Variants in TSC2 observed in about 807,000 individuals in gnomAD.
TSC2 encodes the protein TSC complex subunit 2, also known as tuberin.
TSC2 carries 29 observed loss-of-function variants against 202.2 expected under a neutral mutation model. The ratio of observed to expected loss-of-function variants is 0.14; its 90% CI spans 0.11 to 0.20. TSC2 has a LOEUF of 0.20. Ranked by LOEUF, TSC2 falls within the 10% of genes least tolerant of loss-of-function variation. The pLI, the probability that TSC2 is intolerant of heterozygous loss-of-function variation, is 1.00. For missense variants in TSC2, 2,429 were observed against 2,420.0 expected (o/e 1.00, Z -0.08); for synonymous variants, 1,349 against 1,044.0 (o/e 1.29, Z -5.63).
At position 2,079,101 on chromosome 16, in the gene TSC2, C is replaced by T. The variant is rs144997264; in HGVS notation, c.3036C>T (p.Asp1012=). ...SADENSVAQA[D]DSLKNLHLEL... ...ATGAGAACTCCGTGGCCCAGGCTGA[C>T]GATAGCCTGAAAAACCTCCACCTGG... The change falls in exon 27 of 42, where the codon GAC becomes GAT. Residue 1012 remains aspartate (D), a synonymous_variant. Transcript: ENST00000219476. This position sits in a 1 kb window ranked among gnomAD's most constrained non-coding sequence, Gnocchi z 4.6. 5.6e-5 allele frequency: 90 copies of T among 1,613,020 alleles called. No individual in the cohort carries two copies. In the Middle Eastern group the frequency reaches 6.6e-4, roughly 12 times the overall value.
Position 2,065,565 on chromosome 16 carries a change from A to G in TSC2, c.1646A>G (p.Asp549Gly), listed in dbSNP as rs1170792905. The G allele has an allele frequency of 6.2e-7, 1 of 1,613,696 alleles. No homozygotes were observed. Among genetic ancestry groups the G allele is most frequent in the Non-Finnish European group, 8.5e-7 (1 of 1,179,974 alleles). ...LSPPPELEER[D>G]VAAYSASLED... ...CCACCCCCGGAGCTGGAAGAAAGGG[A>G]TGTGGCCGCATACTCGGCCTCCTTG... Residue 549 changes from aspartate to glycine, a missense_variant, in exon 16 of 42, where the codon GAT (aspartate) becomes GGT (glycine). By Grantham distance (94) the Asp-to-Gly change is moderately conservative. Transcript: ENST00000219476.
chr16:2,071,102 A>T (rs976483557), intron 17 of TSC2, among the ~76,000 whole-genome samples: 1 of 152,210 alleles, frequency 6.6e-6, no homozygotes, highest in Non-Finnish European at 1.5e-5. Context: ...CTCCTAGAGC[A>T]GGTGCTCTCT....
At chr16:2,075,061 C>T (rs1244745597) in intron 22 of TSC2, 1 of 156,888 alleles carries the variant, frequency 6.4e-6, no homozygotes, top group African/African-American at 2.4e-5. Context: ...ACTAAGAATA[C>T]AAAAATTAGC....
At position 2,088,694 on chromosome 16, in the gene TSC2, C is replaced by G. The variant is rs2091239415; in HGVS notation, c.*84C>G. 1.3e-6 allele frequency: 2 copies of G among 1,489,234 alleles called. No individual in the cohort carries two copies. The highest frequency in any genetic ancestry group is 1.8e-6 in the Non-Finnish European group (2 of 1,108,356). 92.3% of individuals were successfully genotyped at this position (1,489,234 alleles called of 1,614,324 possible). ...TAAAGTCCTGACCCCAGTGCACAGA[C>G]ATAGAGGCACAGATTGCAGTCAGAC... On this transcript the variant is annotated 3_prime_UTR_variant, in exon 42 of 42. Transcript: ENST00000219476.
At chr16:2,058,940 A>C (rs896282718) in intron 10 of TSC2, 67 bp downstream of exon 10, 3 of 1,568,804 alleles carry the variant, frequency 1.9e-6, no homozygotes, top group Non-Finnish European at 2.6e-6. Flanking sequence ...CTGCCCACCC[A>C]TCCCACTGGG....
At position 2,054,161 on chromosome 16, in the gene TSC2, C is replaced by A. The variant is rs1489620905; in HGVS notation, c.337-135C>A. ...TACAATGCTGATGCTGCAGACCTGT[C>A]TCTTGCAGGGCGCCTCTGTGGGAAG... On this transcript the variant is annotated intron_variant, in intron 4 of 41. Coordinates refer to ENST00000219476, the MANE Select transcript of TSC2 (RefSeq NM_000548.5). 2.6e-5 allele frequency: 37 copies of A among 1,401,906 alleles called. 1 individual carries two copies. Among genetic ancestry groups the A allele is most frequent in the Non-Finnish European group, 3.4e-5 (34 of 1,000,668 alleles). The allele number at this position is 1,401,906 out of a possible 1,614,324, so 86.8% of individuals were successfully genotyped here.
intron 15 of TSC2, 27 bp downstream of exon 15, chr16:2,064,454 G>T: frequency 6.2e-7 from 1 of 1,612,100 alleles, no homozygotes; most frequent in Non-Finnish European, 8.5e-7. Context: ...CCGGGGCCGG[G>T]TGCTAGCGTG....
chr16:2,083,321 G>A (rs987942271), intron 32 of TSC2: 7 of 458,552 alleles, frequency 1.5e-5, no homozygotes, highest in East Asian at 5.7e-5. Flanking sequence ...CGGAGTCTCC[G>A]CAGCTCTCCT....
At position 2,088,345 on chromosome 16, in the gene TSC2, C is replaced by G. The variant is rs879247127; in HGVS notation, c.5259+20C>G. The G allele has an allele frequency of 1.2e-6, 2 of 1,612,490 alleles. No individual in the cohort carries two copies. Among genetic ancestry groups the G allele is most frequent in the South Asian group, 2.2e-5 (2 of 91,088 alleles). On this transcript the variant is annotated intron_variant, in intron 41 of 41. Transcript: ENST00000219476. ...CAGCGGGTAGGGAATATGGGGCTCC[C>G]TCAGCGGGGTGTGCTGGCTGCCCAA...
intron 17 of TSC2, 116 bp from the exon 18 acceptor site, chr16:2,071,394 C>T (rs1376150592): frequency 1.2e-5 from 12 of 963,358 alleles, no homozygotes; most frequent in Middle Eastern, 4.1e-4. Context: ...TGCACATCAG[C>T]AGGTGGCCTT....
intron 4 of TSC2, 80 bp from the exon 5 acceptor site, chr16:2,054,215 GC>G: frequency 6.2e-7 from 1 of 1,608,530 alleles, no homozygotes; most frequent in South Asian, 1.1e-5. Context: ...GAGTCCGGGT[GC>G]CCCTGCACTT....
At position 2,053,248 on chromosome 16, in the gene TSC2, C is replaced by G. The variant is rs1415413518; in HGVS notation, c.226-94C>G. 4 of 1,273,472 alleles carry G rather than the reference C, an allele frequency of 3.1e-6. No individual in the cohort carries two copies. In the East Asian group the frequency reaches 1.0e-4, roughly 32 times the overall value. 78.9% of individuals were successfully genotyped at this position (1,273,472 alleles called of 1,614,324 possible). On this transcript the variant is annotated intron_variant, in intron 3 of 41. Coordinates refer to ENST00000219476, the MANE Select transcript of TSC2 (RefSeq NM_000548.5). ...CTCTCAGTCACAAGCCCCCGTTGTT[C>G]CTCCCTGTCCTCCGCTCACGGCACT... is the stretch of plus-strand genomic sequence containing the variant.
At chr16:2,070,613 G>T in intron 17 of TSC2, 35 bp downstream of exon 17, 1 of 1,612,480 alleles carries the variant, frequency 6.2e-7, no homozygotes, top group African/African-American at 1.3e-5. Flanking sequence ...CAGTTCCTGG[G>T]GGCCCAGCCA....
intron 9 of TSC2, among the ~76,000 whole-genome samples, chr16:2,058,136 T>C (rs1263827211): frequency 7.1e-6 from 1 of 141,590 alleles, no homozygotes; most frequent in Non-Finnish European, 1.5e-5. Flanking sequence ...CCCCTGCATC[T>C]CTCCCTCCCT....
At chr16:2,048,092 T>C (rs2084573035) in intron 1 of TSC2, 27 bp downstream of exon 1, 36 of 1,438,912 alleles carry the variant, frequency 2.5e-5, no homozygotes, top group Non-Finnish European at 3.3e-5. Flanking sequence ...ACGGGGCAAG[T>C]GGCGGTCCCC....
chr16:2,072,739 C>T, intron 20 of TSC2, 110 bp from the exon 21 acceptor site: 2 of 1,572,020 alleles, frequency 1.3e-6, no homozygotes, highest in Non-Finnish European at 8.7e-7. Context: ...GGCTCCCCAG[C>T]CCCTTTGCCC....
Position 2,088,686 on chromosome 16 carries a change from T to A in TSC2, c.*76T>A, listed in dbSNP as rs548720772. ...GAAATAAATAAAGTCCTGACCCCAG[T>A]GCACAGACATAGAGGCACAGATTGC... On this transcript the variant is annotated 3_prime_UTR_variant, in exon 42 of 42. Coordinates refer to ENST00000219476, the MANE Select transcript of TSC2 (RefSeq NM_000548.5). 14 of 1,517,682 alleles carry A rather than the reference T, an allele frequency of 9.2e-6. No individual in the cohort carries two copies. The African/African-American group carries it at 1.5e-4, about 16-fold the overall frequency. 94.0% of individuals were successfully genotyped at this position (1,517,682 alleles called of 1,614,324 possible).
At chr16:2,057,351 C>G (rs948832364) in intron 9 of TSC2, among the ~76,000 whole-genome samples, 173 bp downstream of exon 9, 28 of 152,184 alleles carry the variant, frequency 1.8e-4, no homozygotes, top group Admixed American at 1.8e-3. Flanking sequence ...AGCCCCTGTC[C>G]TCTCCTTCCT....
intron 14 of TSC2, 151 bp from the exon 15 acceptor site, chr16:2,064,121 C>A: frequency 1.5e-6 from 2 of 1,292,442 alleles, no homozygotes; most frequent in Non-Finnish European, 2.2e-6. Flanking sequence ...CTGAGTCGCG[C>A]TCAGCGGGTG....
Sources: gnomAD v4.1 joint callset for allele counts (sites outside exome capture counted in the v4.1 genomes callset) on GRCh38, gnomAD v4.1.1 for gene constraint, Gnocchi (gnomAD v3.1) non-coding constraint, MANE v1.5 for transcripts, NCBI Gene and HGNC (gene_info 2026-07-23, HGNC 2026-07-21) for gene names.